OTULINL: variants seen among roughly 807,000 people sequenced by gnomAD.
OTULINL encodes inactive ubiquitin thioesterase OTULINL.
In OTULINL, 42 loss-of-function variants were observed where a neutral mutation model predicts 43.9. The ratio of observed to expected loss-of-function variants is 0.96; its 90% confidence interval spans 0.75 to 1.24. The LOEUF (loss-of-function observed/expected upper bound fraction) is 1.24, where lower values mean the gene tolerates loss of function less well. Ranked by LOEUF, OTULINL falls within the 50% of genes most tolerant of loss-of-function variation. The pLI is 0.00. For synonymous variants in OTULINL, 172 were observed against 153.6 expected, an observed-to-expected ratio of 1.12 and a Z score of -0.88; for missense variants, 411 against 426.4, an observed-to-expected ratio of 0.96 and a Z score of 0.32.
At chr5:14,600,879 A>T in intron 1 of OTULINL, 86 bp from the exon 2 acceptor site, 15 of 762,508 alleles carry the variant, frequency 2.0e-5, no homozygotes, top group Non-Finnish European at 2.8e-5. Context: ...AAATTATGCA[A>T]TCTCTCTCTG....
chr5:14,605,225 G>T (rs1759453931), intron 5 of OTULINL, among the ~76,000 whole-genome samples: 1 of 152,180 alleles, frequency 6.6e-6, no homozygotes. Context: ...TTAAGGCTTG[G>T]GGCTTGCACC....
In OTULINL at chr5:14,581,966, T is replaced by C; in HGVS notation, c.64+8T>C. On this transcript the variant is annotated splice_region_variant and intron_variant, in intron 1 of 7. Coordinates refer to ENST00000274217, the MANE Select transcript of OTULINL (RefSeq NM_019018.3). ...CTGGCGCTCCCGCCGCAGGTGAGCC[T>C]GGGGCCGGGCGGGGCGGGGCGGGGG... The C allele has an allele frequency of 1.0e-6, 1 of 985,076 alleles. No individual in the cohort carries two copies. Among genetic ancestry groups the C allele is most frequent in the East Asian group, 3.5e-5 (1 of 28,810 alleles). The allele number at this position is 985,076 out of a possible 1,614,324, so 61.0% of individuals were successfully genotyped here.
chr5:14,607,676 A>G (rs1246894479), intron 6 of OTULINL, among the ~76,000 whole-genome samples: 3 of 152,186 alleles, frequency 2.0e-5, no homozygotes, highest in Non-Finnish European at 1.5e-5. Context: ...TAGGCCCTAT[A>G]GGGTCGGGGG....
intron 1 of OTULINL, among the ~76,000 whole-genome samples, chr5:14,598,849 CAT>C (rs1759337325): frequency 6.6e-6 from 1 of 152,196 alleles, no homozygotes. Flanking sequence ...AAACTAAAAT[CAT>C]GTTATAGTCC....
chr5:14,602,067 ATT>A, intron 4 of OTULINL, 114 bp from the exon 5 acceptor site: 2 of 706,324 alleles, frequency 2.8e-6, no homozygotes, highest in Non-Finnish European at 4.4e-6. Context: ...GTAATTTATC[ATT>A]GTTTCTGTTG....
chr5:14,600,935 T>C lies in OTULINL; in HGVS notation c.65-30T>C, dbSNP rs749172154. 817 of 324,692 alleles carry C rather than the reference T, an allele frequency of 2.5e-3. 2 individuals are homozygous for C. In the East Asian group the frequency reaches 0.046, roughly 18 times the overall value. 20.1% of individuals were successfully genotyped at this position (324,692 alleles called of 1,614,324 possible). On this transcript the variant is annotated intron_variant, in intron 1 of 7. Coordinates refer to ENST00000274217, the MANE Select transcript of OTULINL (RefSeq NM_019018.3). ...AAACTTGTGTAATTGTGATGTGCTT[T>C]TTTTTTTTTTTTTTTTGTAATTTTC...
chr5:14,596,935 C>T (rs1408912308), intron 1 of OTULINL, among the ~76,000 whole-genome samples: 2 of 152,116 alleles, frequency 1.3e-5, no homozygotes, highest in East Asian at 3.8e-4. Flanking sequence ...TTCCCAAAGG[C>T]CCCACCTCCA....
Position 14,601,054 on chromosome 5 carries a change from G to C in OTULINL, c.154G>C (p.Val52Leu). The change falls in exon 2 of 8, where the codon GTT becomes CTT. Residue 52 changes from valine to leucine, a missense_variant. Transcript: ENST00000274217. ...RMAKGFVMLAVSFLVAAICYF... is the reference protein window; with the variant it reads ...RMAKGFVMLALSFLVAAICYF... ...GGCAAAAGGCTTTGTGATGTTGGCA[G>C]TTTCATTTCTGGTGGCTGCCATCTG... 1 of 1,613,112 alleles carries C rather than the reference G, an allele frequency of 6.2e-7. No individual in the cohort carries two copies. The highest frequency in any genetic ancestry group is 8.5e-7 in the Non-Finnish European group (1 of 1,179,850).
chr5:14,581,833 C>T lies in OTULINL; in HGVS notation c.-62C>T, dbSNP rs1057305710. On this transcript the variant is annotated 5_prime_UTR_variant, in exon 1 of 8. Transcript: ENST00000274217. The stretch of plus-strand genomic sequence containing the variant: ...CCCGGGCGCCGGCGGGCGGCCGTCG[C>T]GTCTGACAGACCACTGCAGACCACG... The T allele has an allele frequency of 2.3e-6, 3 of 1,280,666 alleles. No individual in the cohort carries two copies. Among genetic ancestry groups the T allele is most frequent in the African/African-American group, 1.6e-5 (1 of 63,764 alleles). The allele number at this position is 1,280,666 out of a possible 1,614,324, so 79.3% of individuals were successfully genotyped here.
At chr5:14,609,094 G>A (rs1759530103) in intron 7 of OTULINL, 77 bp downstream of exon 7, 4 of 1,473,454 alleles carry the variant, frequency 2.7e-6, no homozygotes, top group Non-Finnish European at 3.7e-6. Flanking sequence ...TGTCTGGGGT[G>A]ACTTTTCAGT....
chr5:14,602,949 C>A (rs1579924729), intron 5 of OTULINL, among the ~76,000 whole-genome samples: 1 of 152,190 alleles, frequency 6.6e-6, no homozygotes, highest in African/African-American at 2.4e-5. Flanking sequence ...TAGTTTGTGA[C>A]CACCCCAAAG....
rs1759004676 is a variant in OTULINL, at chr5:14,581,890, C to G, written c.-5C>G. 2 of 1,411,124 alleles carry G rather than the reference C, an allele frequency of 1.4e-6. No homozygotes were observed. The highest frequency in any genetic ancestry group is 6.3e-5 in the East Asian group (2 of 31,552). 87.4% of individuals were successfully genotyped at this position (1,411,124 alleles called of 1,614,324 possible). A position where few individuals can be genotyped will look rare whatever the true frequency, so the allele number is the denominator to read the frequency against. On this transcript the variant is annotated 5_prime_UTR_variant, in exon 1 of 8. Coordinates refer to ENST00000274217, the MANE Select transcript of OTULINL (RefSeq NM_019018.3). ...GGCCCAGCGCCCGTCCGCAGCGCGG[C>G]CGGCATGGCGGCGACAAGGAGCCCC...
chr5:14,599,242 A>G (rs1040208424), intron 1 of OTULINL, among the ~76,000 whole-genome samples: 1 of 152,212 alleles, frequency 6.6e-6, no homozygotes, highest in South Asian at 2.1e-4. Context: ...TAATCCCAGC[A>G]CTTTGGGAGG....
rs114364525 is a variant in OTULINL at position 14,610,164 on chromosome 5, C to T, written c.921C>T (p.Tyr307=). 6.2e-7 allele frequency: 1 copy of T among 1,613,920 alleles called. No homozygotes were observed. Among genetic ancestry groups the T allele is most frequent in the Non-Finnish European group, 8.5e-7 (1 of 1,179,824 alleles). The change falls in exon 8 of 8, where the codon TAC becomes TAT. Residue 307 remains tyrosine, a synonymous_variant. Coordinates refer to ENST00000274217, the MANE Select transcript of OTULINL (RefSeq NM_019018.3). ...LEQIDMFILG[Y]SLEVKIKVFR... is the part of the protein sequence containing the mutation. ...AGATTGATATGTTTATACTTGGATACTCCCTTGAAGTAAAGATAAAAGTGT... is the reference window on the plus strand; with the variant it reads ...AGATTGATATGTTTATACTTGGATATTCCCTTGAAGTAAAGATAAAAGTGT...
intron 1 of OTULINL, among the ~76,000 whole-genome samples, chr5:14,590,070 G>C (rs1382735116): frequency 1.1e-4 from 16 of 151,788 alleles, no homozygotes; most frequent in Admixed American, 4.6e-4. Flanking sequence ...GCACAAAACA[G>C]ACACACAAAA....
chr5:14,594,708 C>G (rs1759257602), intron 1 of OTULINL, among the ~76,000 whole-genome samples: 1 of 152,238 alleles, frequency 6.6e-6, no homozygotes, highest in East Asian at 1.9e-4. Context: ...GTTTATTCCT[C>G]TGTACAGCAC....
In OTULINL at chr5:14,581,861, C is replaced by G. The variant is rs1183959867; in HGVS notation, c.-34C>G. The G allele has an allele frequency of 3.6e-6, 5 of 1,394,200 alleles. No individual in the cohort carries two copies. The highest frequency in any genetic ancestry group is 4.7e-6 in the Non-Finnish European group (5 of 1,074,546). 86.4% of individuals were successfully genotyped at this position (1,394,200 alleles called of 1,614,324 possible). On this transcript the variant is annotated 5_prime_UTR_variant, in exon 1 of 8. Coordinates refer to ENST00000274217, the MANE Select transcript of OTULINL (RefSeq NM_019018.3). ...CTGACAGACCACTGCAGACCACGGG[C>G]CGAGGCCCAGCGCCCGTCCGCAGCG...
chr5:14,602,406 G>T (rs1157438746), intron 5 of OTULINL, 74 bp downstream of exon 5: 1 of 1,393,510 alleles, frequency 7.2e-7, no homozygotes, highest in Non-Finnish European at 9.9e-7. Context: ...AGTCTTTGGG[G>T]GCTTTGTACT....
intron 7 of OTULINL, 128 bp from the exon 8 acceptor site, chr5:14,610,013 G>A (rs1156528007): frequency 2.9e-6 from 2 of 691,998 alleles, no homozygotes; most frequent in South Asian, 1.8e-5. Context: ...CCCACTCAGT[G>A]GTGTATGGGT....
Sources: gnomAD v4.1 joint callset for allele counts (sites outside exome capture counted in the v4.1 genomes callset) on GRCh38, gnomAD v4.1.1 for gene constraint, MANE v1.5 for transcripts, NCBI Gene and HGNC (gene_info 2026-07-23, HGNC 2026-07-21) for gene names.